Variants in ERCC6L2 observed in about 807,000 individuals in gnomAD.
The protein encoded by ERCC6L2 is DNA excision repair protein ERCC-6-like 2.
In ERCC6L2, 77 loss-of-function variants were observed where a neutral mutation model predicts 132.0. The observed-to-expected ratio is 0.58, with a 90% CI of 0.49 to 0.71. ERCC6L2 has a LOEUF of 0.71. Among genes scored for constraint, ERCC6L2 ranks in the 30% least tolerant of loss-of-function variants. ERCC6L2 has a pLI of 0.00. For missense variants in ERCC6L2, 1,542 were observed against 1,837.6 expected (o/e 0.84, Z 2.94); for synonymous variants, 583 against 632.4 (o/e 0.92, Z 1.17).
chr9:95,995,523 G>C (rs1367538034), intron 17 of ERCC6L2, among the ~76,000 whole-genome samples: 1 of 152,114 alleles, frequency 6.6e-6, no homozygotes, highest in Non-Finnish European at 1.5e-5. Context: ...GTACCTTCTT[G>C]GTTATTGTAA....
chr9:95,916,804 TC>T (rs1829619278), intron 6 of ERCC6L2, among the ~76,000 whole-genome samples: 1 of 151,226 alleles, frequency 6.6e-6, no homozygotes, highest in African/African-American at 2.4e-5. Flanking sequence ...AGCCTCAGCC[TC>T]CCGAGTAACT....
chr9:95,944,303 T>C (rs775412825), intron 12 of ERCC6L2, among the ~76,000 whole-genome samples: 5 of 152,198 alleles, frequency 3.3e-5, no homozygotes, highest in East Asian at 1.9e-4. Context: ...ATTCTACTTA[T>C]ATGAAATACC....
At chr9:95,967,453 A>G (rs933979061) in intron 14 of ERCC6L2, 1 of 152,106 alleles carries the variant, frequency 6.6e-6, no homozygotes, top group Non-Finnish European at 1.5e-5. Context: ...TACTTCATTT[A>G]TTCAGTAAGT....
intron 1 of ERCC6L2, among the ~76,000 whole-genome samples, chr9:95,877,257 A>T (rs1221535312): frequency 2.0e-5 from 3 of 152,088 alleles, no homozygotes; most frequent in Admixed American, 2.0e-4. Flanking sequence ...TCCATTTCTA[A>T]CTCAACTGAA....
At chr9:95,899,539 G>A (rs1047486102) in intron 3 of ERCC6L2, among the ~76,000 whole-genome samples, 15 of 151,938 alleles carry the variant, frequency 9.9e-5, no homozygotes, top group African/African-American at 3.6e-4. Flanking sequence ...AGTTACCTCA[G>A]TTGACTCCAG....
chr9:96,020,725 C>G (rs1249566644), downstream of ERCC6L2: 2 of 454,912 alleles, frequency 4.4e-6, no homozygotes, highest in East Asian at 1.4e-4. Context: ...ACATGCTTTG[C>G]GCTGGAGTCC....
intron 14 of ERCC6L2, chr9:95,967,046 A>C (rs189136620): frequency 5.5e-4 from 91 of 166,868 alleles, no homozygotes; most frequent in African/African-American, 1.8e-3. Context: ...GTTTTCCTAA[A>C]TAAACAAAAA....
At position 96,029,030 on chromosome 9, in the gene ERCC6L2, C is replaced by T. The variant is rs762224074; in HGVS notation, c.*1504-9846C>T. Among the ~76,000 whole-genome samples, 47 of 152,014 alleles carry T rather than the reference C, an allele frequency of 3.1e-4. 1 individual carries two copies. The highest frequency in any genetic ancestry group is 2.1e-4 in the South Asian group (1 of 4,804). On this transcript the variant is annotated intron_variant and NMD_transcript_variant, in intron 19 of 20. Coordinates refer to the ERCC6L2 transcript ENST00000670016. Reference sequence around the variant, plus strand: ...TTAGAAGTTAGGATGGGGGACTGGGCGCGGTGGCTCAGGCCTGTAATCCCA... The same window carrying T: ...TTAGAAGTTAGGATGGGGGACTGGGTGCGGTGGCTCAGGCCTGTAATCCCA...
chr9:95,920,120 A>G (rs1215834271), intron 6 of ERCC6L2, among the ~76,000 whole-genome samples: 1 of 152,226 alleles, frequency 6.6e-6, no homozygotes. Flanking sequence ...ACATTTTTTT[A>G]GAGAAATGAA....
intron 19 of ERCC6L2, among the ~76,000 whole-genome samples, chr9:96,032,130 C>T (rs1276761864): frequency 2.0e-5 from 3 of 152,110 alleles, no homozygotes; most frequent in Non-Finnish European, 4.4e-5. Context: ...TCCCCGGCCC[C>T]GCCACCTCAC....
chr9:96,029,681 G>A (rs140653879), intron 19 of ERCC6L2, among the ~76,000 whole-genome samples: 2 of 152,322 alleles, frequency 1.3e-5, no homozygotes, highest in East Asian at 1.9e-4. Context: ...CTTACTTCAC[G>A]TCTGTTTGGT....
intron 4 of ERCC6L2, among the ~76,000 whole-genome samples, chr9:95,915,296 T>A (rs2132703472): frequency 1.3e-5 from 2 of 152,326 alleles, no homozygotes; most frequent in African/African-American, 4.8e-5. Flanking sequence ...AATCATGAGT[T>A]TATATTGATA....
rs1184277568 is a variant in ERCC6L2, at chr9:96,012,840, G to A, written c.4290G>A (p.Leu1430=). The change falls in exon 19 of 19, where the codon CTG becomes CTA. Residue 1430 remains leucine (L), a synonymous_variant. Transcript: ENST00000653738. ...ACAAAAAGATAGAAAATCCAGTGCT[G>A]GAAAATACTTCTGTGATAAGCTTAC... ...LENKKIENPV[L]ENTSVISLLG... is the part of the protein sequence containing the mutation. 7.3e-7 allele frequency: 1 copy of A among 1,367,518 alleles called. No homozygotes were observed. Among genetic ancestry groups the A allele is most frequent in the Admixed American group, 1.9e-5 (1 of 52,576 alleles). 84.7% of individuals were successfully genotyped at this position (1,367,518 alleles called of 1,614,324 possible).
intron 18 of ERCC6L2, among the ~76,000 whole-genome samples, chr9:96,008,208 G>A (rs2133213360): frequency 6.6e-6 from 1 of 152,226 alleles, no homozygotes; most frequent in African/African-American, 2.4e-5. Flanking sequence ...GAGCCATGTT[G>A]GGACACTGGT....
Position 95,928,808 on chromosome 9 carries a change from G to T in ERCC6L2, c.1695G>T (p.Lys565Asn), listed in dbSNP as rs1388259573. 1 of 1,612,682 alleles carries T rather than the reference G, an allele frequency of 6.2e-7. No homozygotes were observed. Among genetic ancestry groups the T allele is most frequent in the Non-Finnish European group, 8.5e-7 (1 of 1,179,282 alleles). ...GTACAAAATCAGAGGAAAGACTCAA[G>T]ATTGTAAAAGAGTTCAACAGTACAC... is the stretch of plus-strand genomic sequence containing the variant. ...DGSTKSEERL[K>N]IVKEFNSTQD... is the part of the protein sequence containing the mutation. Residue 565 changes from lysine (K) to asparagine (N), a missense_variant, in exon 11 of 19, where the codon AAG (lysine) becomes AAT (asparagine). By Grantham distance (94) the Lys-to-Asn change is moderately conservative. Coordinates refer to ENST00000653738, the MANE Select transcript of ERCC6L2 (RefSeq NM_020207.7).
At chr9:95,941,818 C>T (rs1830817900) in intron 12 of ERCC6L2, among the ~76,000 whole-genome samples, 1 of 152,100 alleles carries the variant, frequency 6.6e-6, no homozygotes, top group South Asian at 2.1e-4. Flanking sequence ...TAGGATAGTT[C>T]TGTACTAGTA....
chr9:95,916,375 T>C lies in ERCC6L2; in HGVS notation c.1099T>C (p.Trp367Arg), dbSNP rs200807189. The C allele has an allele frequency of 9.2e-5, 148 of 1,609,404 alleles. No individual in the cohort carries two copies. The Admixed American group carries it at 1.5e-3, about 17-fold the overall frequency. Reference sequence around the variant, plus strand: ...AAGACTTGCCAAAAAGATGTCTGGCTGGTTTCTCAGGCGCACCAAGACTCT... The same window carrying C: ...AAGACTTGCCAAAAAGATGTCTGGCCGGTTTCTCAGGCGCACCAAGACTCT... ...MQRLAKKMSG[W>R]FLRRTKTLIK... The change falls in exon 6 of 19, where the codon TGG (tryptophan) becomes CGG (arginine). Residue 367 changes from tryptophan to arginine, a missense_variant. Physicochemically the swap from Trp to Arg is moderately radical, Grantham distance 101. Coordinates refer to ENST00000653738, the MANE Select transcript of ERCC6L2 (RefSeq NM_020207.7).
At chr9:96,040,719 G>A (rs1055324949) in intron 20 of ERCC6L2, among the ~76,000 whole-genome samples, 2 of 152,228 alleles carry the variant, frequency 1.3e-5, no homozygotes, top group Non-Finnish European at 2.9e-5. Context: ...CAGGAGCAAC[G>A]GCATCTGCAG....
At chr9:95,941,897 A>G (rs1341331668) in intron 12 of ERCC6L2, among the ~76,000 whole-genome samples, 1 of 152,232 alleles carries the variant, frequency 6.6e-6, no homozygotes, top group Non-Finnish European at 1.5e-5. Context: ...GTATCCGCAG[A>G]GAAATACTAC....
Sources: allele counts gnomAD v4.1 joint callset (sites outside exome capture counted in the v4.1 genomes callset), GRCh38; gene constraint gnomAD v4.1.1; transcripts MANE v1.5; gene names NCBI Gene and HGNC (gene_info 2026-07-23, HGNC 2026-07-21).